The following ANKRD42 variants were observed in gnomAD, a reference collection of about 807,000 sequenced individuals.
ANKRD42 encodes ankyrin repeat domain-containing protein 42.
ANKRD42 carries 43 observed loss-of-function variants against 51.5 expected under a neutral mutation model. The ratio of observed to expected loss-of-function variants is 0.83; its 90% CI spans 0.65 to 1.08. The LOEUF (loss-of-function observed/expected upper bound fraction) is 1.08, where lower values mean the gene tolerates loss of function less well. Among genes scored for constraint, ANKRD42 ranks in the 50% least tolerant of loss-of-function variants. ANKRD42 has a pLI of 0.00. For missense variants in ANKRD42, 608 were observed against 629.3 expected, an observed-to-expected ratio of 0.97 and a Z score of 0.36; for synonymous variants, 203 against 213.0, an observed-to-expected ratio of 0.95 and a Z score of 0.41.
downstream of ANKRD42, among the ~76,000 whole-genome samples, chr11:83,263,468 A>T (rs917823332): frequency 6.6e-6 from 1 of 152,184 alleles, no homozygotes; most frequent in African/African-American, 2.4e-5. Context: ...CATTCTACAT[A>T]TATGTAAAAT....
chr11:83,205,201 C>T (rs934382018), intron 2 of ANKRD42, among the ~76,000 whole-genome samples: 20 of 152,240 alleles, frequency 1.3e-4, no homozygotes, highest in Admixed American at 8.5e-4. Flanking sequence ...ACATGAATGT[C>T]GACAGTGGCT....
chr11:83,245,515 A>G lies in ANKRD42; in HGVS notation c.1213A>G (p.Ile405Val). The change falls in exon 10 of 11, where the codon ATT (isoleucine) becomes GTT (valine). Residue 405 changes from isoleucine to valine, a missense_variant. By Grantham distance (29) the Ile-to-Val change is conservative. Coordinates refer to ENST00000533342, the MANE Select transcript of ANKRD42 (RefSeq NM_001300975.2). Reference protein sequence around the residue: ...TDARMRAYKKIVELRHLLEIA... With the variant: ...TDARMRAYKKVVELRHLLEIA... ...TCTTGCAGTGAGAGCTTACAAGAAA[A>G]TTGTAGAATTGAGACACCTCCTGGA... 1 of 1,536,360 alleles carries G rather than the reference A, an allele frequency of 6.5e-7. No homozygotes were observed. Among genetic ancestry groups the G allele is most frequent in the South Asian group, 1.2e-5 (1 of 84,062 alleles).
intron 5 of ANKRD42, chr11:83,213,694 A>T (rs1197627643): frequency 5.1e-6 from 2 of 391,452 alleles, no homozygotes; most frequent in African/African-American, 4.4e-5. Context: ...GTGATGTACT[A>T]GTTCAAATCT....
chr11:83,204,751 A>G (rs1862004585), intron 2 of ANKRD42, among the ~76,000 whole-genome samples: 1 of 152,216 alleles, frequency 6.6e-6, no homozygotes, highest in Admixed American at 6.5e-5. Flanking sequence ...AAAATAGAGA[A>G]GAAAACCTTT....
rs1481583579 is a variant in ANKRD42 at position 83,242,070 on chromosome 11, C to T, written c.1195+1136C>T. 2.0e-5 allele frequency among the ~76,000 whole-genome samples: 3 copies of T among 152,192 alleles called. No individual in the cohort carries two copies. The East Asian group carries it at 5.8e-4, about 29-fold the overall frequency. On this transcript the variant is annotated intron_variant, in intron 9 of 10. Transcript: ENST00000533342. ...GCCTGTAACTACCAGTGATATTGGA[C>T]ATCTCCATTCTTGTTTTGCTTCCAC...
rs144724340 is a variant in ANKRD42 at position 83,198,555 on chromosome 11, A to G, written c.135A>G (p.Ile45Met). ...RAGDVKQLSE[I>M]VVRGASINEL... is the part of the protein sequence containing the mutation. The stretch of plus-strand genomic sequence containing the variant: ...GAGATGTAAAGCAGCTTTCAGAAAT[A>G]GTGGTACGTGGAGCCAGCATTAATG... Residue 45 changes from isoleucine to methionine, a missense_variant, in exon 2 of 11, where the codon ATA becomes ATG. By Grantham distance (10) the Ile-to-Met change is conservative. Coordinates refer to ENST00000533342, the MANE Select transcript of ANKRD42 (RefSeq NM_001300975.2). The G allele has an allele frequency of 5.0e-5, 80 of 1,613,992 alleles. No homozygotes were observed. The African/African-American group carries it at 9.3e-4, about 19-fold the overall frequency.
intron 1 of ANKRD42, among the ~76,000 whole-genome samples, chr11:83,195,627 C>T (rs1410056398): frequency 6.6e-6 from 1 of 152,094 alleles, no homozygotes; most frequent in Non-Finnish European, 1.5e-5. Flanking sequence ...CTAATGGCAC[C>T]ACAGCACTCA....
intron 2 of ANKRD42, among the ~76,000 whole-genome samples, chr11:83,200,449 T>C: frequency 6.6e-6 from 1 of 151,940 alleles, no homozygotes; most frequent in East Asian, 1.9e-4. Flanking sequence ...AGTCTAACAC[T>C]AAAACTGTTA....
intron 7 of ANKRD42, among the ~76,000 whole-genome samples, chr11:83,231,331 A>G (rs1255101681): frequency 1.3e-5 from 2 of 152,292 alleles, no homozygotes; most frequent in African/African-American, 2.4e-5. Flanking sequence ...GTGCCTTTTC[A>G]TATATCTGTT....
In ANKRD42 at chr11:83,248,266, T is replaced by C; in HGVS notation, c.*62T>C. The C allele has an allele frequency of 6.9e-7, 1 of 1,440,410 alleles. No individual in the cohort carries two copies. Among genetic ancestry groups the C allele is most frequent in the South Asian group, 1.5e-5 (1 of 66,964 alleles). 89.2% of individuals were successfully genotyped at this position (1,440,410 alleles called of 1,614,324 possible). A position where few individuals can be genotyped will look rare whatever the true frequency, so the allele number is the denominator to read the frequency against. On this transcript the variant is annotated 3_prime_UTR_variant, in exon 11 of 11. Transcript: ENST00000533342. ...ATAAACTGGAGATGATAACTTATAC[T>C]TTCTAGAGCTGATGACAGGATTAAA... is the stretch of plus-strand genomic sequence containing the variant.
At chr11:83,249,904 T>C (rs2135562512), downstream of ANKRD42, among the ~76,000 whole-genome samples, 1 of 152,320 alleles carries the variant, frequency 6.6e-6, no homozygotes, top group Non-Finnish European at 1.5e-5. Flanking sequence ...AATGGAATAT[T>C]GTGTAGAAAT....
intron 5 of ANKRD42, chr11:83,213,554 T>G (rs1200022094): frequency 1.2e-6 from 1 of 806,040 alleles, no homozygotes; most frequent in Non-Finnish European, 1.6e-6. Context: ...GTATTATTAG[T>G]TTTTTTTTTT....
intron 10 of ANKRD42, 32 bp from the exon 11 acceptor site, chr11:83,247,911 G>T: frequency 6.4e-7 from 1 of 1,555,660 alleles, no homozygotes; most frequent in South Asian, 1.2e-5. Context: ...TGACATTGAT[G>T]ATTGATTTTT....
chr11:83,203,812 G>C (rs1472952813), intron 2 of ANKRD42, among the ~76,000 whole-genome samples: 2 of 152,006 alleles, frequency 1.3e-5, no homozygotes, highest in East Asian at 3.8e-4. Flanking sequence ...TTAATAATTG[G>C]TAAAAAACCA....
chr11:83,249,061 A>G (rs1313581562), downstream of ANKRD42: 1 of 886,292 alleles, frequency 1.1e-6, no homozygotes, highest in African/African-American at 1.8e-5. Context: ...CTGTACAGTC[A>G]TGTGTTGGTT....
intron 5 of ANKRD42, among the ~76,000 whole-genome samples, chr11:83,215,677 C>T (rs1055678817): frequency 5.3e-5 from 8 of 152,054 alleles, no homozygotes; most frequent in Non-Finnish European, 1.0e-4. Flanking sequence ...AAAGAGATGA[C>T]GACTTACCTT....
intron 5 of ANKRD42, chr11:83,212,903 GTTT>G: frequency 5.2e-6 from 6 of 1,161,072 alleles, no homozygotes; most frequent in Non-Finnish European, 6.8e-6. Context: ...TATTTTGTAA[GTTT>G]TTTTTTTTAA....
chr11:83,209,148 A>G (rs538754776), intron 3 of ANKRD42, among the ~76,000 whole-genome samples: 3 of 152,330 alleles, frequency 2.0e-5, no homozygotes, highest in East Asian at 1.9e-4. Context: ...TGAATTAGTG[A>G]AAGTTTAATT....
At chr11:83,209,984 C>A (rs1374265137) in intron 3 of ANKRD42, 1 of 349,332 alleles carries the variant, frequency 2.9e-6, no homozygotes, top group Non-Finnish European at 5.2e-6. Context: ...TTTGTTTTTT[C>A]CTGCCGGGTG....
Sources: gnomAD v4.1 joint callset for allele counts (sites outside exome capture counted in the v4.1 genomes callset) on GRCh38, gnomAD v4.1.1 for gene constraint, MANE v1.5 for transcripts, NCBI Gene and HGNC (gene_info 2026-07-23, HGNC 2026-07-21) for gene names.